Variants in CAMK4 observed in about 807,000 individuals in gnomAD.
The protein encoded by CAMK4 is calcium/calmodulin-dependent protein kinase type IV.
In CAMK4, 22 loss-of-function variants were observed where a neutral mutation model predicts 44.9. The ratio of observed to expected loss-of-function variants is 0.49; its 90% confidence interval spans 0.35 to 0.70. The LOEUF (loss-of-function observed/expected upper bound fraction) is 0.70. Ranked by LOEUF, CAMK4 falls within the 30% of genes least tolerant of loss-of-function variation. The pLI, the probability that CAMK4 is intolerant of heterozygous loss-of-function variation, is 0.01. For missense variants in CAMK4, 498 were observed against 586.8 expected (o/e 0.85, Z 1.56); for synonymous variants, 218 against 215.4 (o/e 1.01, Z -0.11).
intron 2 of CAMK4, among the ~76,000 whole-genome samples, chr5:111,371,665 A>C (rs1751010114): frequency 6.6e-6 from 1 of 152,224 alleles, no homozygotes; most frequent in Non-Finnish European, 1.5e-5. Flanking sequence ...CAGTTCAATA[A>C]AACACATTTT....
At chr5:111,475,474 T>C (rs1755203686) in intron 8 of CAMK4, among the ~76,000 whole-genome samples, 1 of 152,230 alleles carries the variant, frequency 6.6e-6, no homozygotes, top group South Asian at 2.1e-4. Context: ...GGGAAAAATA[T>C]AATTACTTGA....
chr5:111,420,427 T>G (rs1354850090), intron 5 of CAMK4, among the ~76,000 whole-genome samples: 1 of 152,154 alleles, frequency 6.6e-6, no homozygotes, highest in Non-Finnish European at 1.5e-5. Flanking sequence ...TGAATACCCT[T>G]TATTTACTTC....
intron 5 of CAMK4, among the ~76,000 whole-genome samples, chr5:111,404,004 G>C (rs1159756668): frequency 6.6e-6 from 1 of 152,196 alleles, no homozygotes; most frequent in Non-Finnish European, 1.5e-5. Context: ...GTTACAGGCT[G>C]TAAGGTGACC....
At chr5:111,283,884 C>T (rs763388842) in intron 1 of CAMK4, among the ~76,000 whole-genome samples, 1 of 152,162 alleles carries the variant, frequency 6.6e-6, no homozygotes, top group Non-Finnish European at 1.5e-5. Flanking sequence ...TGATCTATTT[C>T]CATCCTCATG....
rs1431451424 is a variant in CAMK4 at position 111,490,699 on chromosome 5, A to G, written c.*6233A>G. On this transcript the variant is annotated 3_prime_UTR_variant, in exon 11 of 11. Transcript: ENST00000282356. Reference sequence around the variant, plus strand: ...TATACCTACAATACAGTTAATATGCAGCAGCGTAGAGAACAAATAGCATAT... The same window carrying G: ...TATACCTACAATACAGTTAATATGCGGCAGCGTAGAGAACAAATAGCATAT... 4 of 152,214 alleles carry G rather than the reference A, an allele frequency of 2.6e-5. No individual in the cohort carries two copies. The highest frequency in any genetic ancestry group is 9.6e-5 in the African/African-American group (4 of 41,462). The allele number at this position is 152,214 out of a possible 1,614,324, so 9.4% of individuals were successfully genotyped here. A position where few individuals can be genotyped will look rare whatever the true frequency, so the allele number is the denominator to read the frequency against.
rs558864502 is a variant in CAMK4, at chr5:111,455,389, C to G, written c.625+6186C>G. On this transcript the variant is annotated intron_variant, in intron 7 of 10. Coordinates refer to ENST00000282356, the MANE Select transcript of CAMK4 (RefSeq NM_001744.6). ...TTGCTTGGTAACCAATTAATTCTGT[C>G]ATAATTATCAATAATTATAAATGGA... is the stretch of plus-strand genomic sequence containing the variant. Among the ~76,000 whole-genome samples the G allele has an allele frequency of 2.6e-5, 4 of 152,092 alleles. No homozygotes were observed. In the South Asian group the frequency reaches 8.3e-4, roughly 32 times the overall value.
In CAMK4 at chr5:111,441,190, A is replaced by G. The variant is rs138214666; in HGVS notation, c.460-5496A>G. Among the ~76,000 whole-genome samples the G allele has an allele frequency of 2.6e-4, 40 of 152,326 alleles. No individual in the cohort carries two copies. The East Asian group carries it at 7.7e-3, about 29-fold the overall frequency. ...TACGTATTTCTGTCAACCCATGATCAAGACTGAGGGCAAGATATTTAAACA... is the reference window on the plus strand; with the variant it reads ...TACGTATTTCTGTCAACCCATGATCGAGACTGAGGGCAAGATATTTAAACA... On this transcript the variant is annotated intron_variant, in intron 5 of 10. Coordinates refer to ENST00000282356, the MANE Select transcript of CAMK4 (RefSeq NM_001744.6).
chr5:111,460,997 A>G (rs987563286), intron 7 of CAMK4, among the ~76,000 whole-genome samples: 1 of 152,260 alleles, frequency 6.6e-6, no homozygotes, highest in African/African-American at 2.4e-5. Flanking sequence ...AGAAAATCAT[A>G]TAATTCTTGC....
At chr5:111,317,260 A>G (rs1284845733) in intron 1 of CAMK4, among the ~76,000 whole-genome samples, 2 of 152,144 alleles carry the variant, frequency 1.3e-5, no homozygotes, top group East Asian at 1.9e-4. Flanking sequence ...TCACAGTTAC[A>G]TTACATAGTG....
At chr5:111,295,165 C>T (rs550816853) in intron 1 of CAMK4, among the ~76,000 whole-genome samples, 23 of 152,198 alleles carry the variant, frequency 1.5e-4, no homozygotes, top group African/African-American at 5.1e-4. Context: ...AATTGGTTTC[C>T]CCTTTATCTC....
intron 4 of CAMK4, among the ~76,000 whole-genome samples, chr5:111,377,670 C>G (rs1052580365): frequency 6.6e-5 from 10 of 152,038 alleles, no homozygotes; most frequent in African/African-American, 2.4e-4. Context: ...CTCTTGAGAG[C>G]CTTTTGCTGT....
chr5:111,401,751 C>T (rs1351481690), intron 5 of CAMK4, among the ~76,000 whole-genome samples: 5 of 152,086 alleles, frequency 3.3e-5, no homozygotes, highest in South Asian at 2.1e-4. Flanking sequence ...GTGTGGAGGA[C>T]GTGTGATAAC....
At chr5:111,303,331 A>G (rs1201059740) in intron 1 of CAMK4, among the ~76,000 whole-genome samples, 1 of 122,332 alleles carries the variant, frequency 8.2e-6, no homozygotes, top group East Asian at 2.3e-4. Flanking sequence ...AAAGGCAAAG[A>G]AGTTGAAAAC....
chr5:111,250,647 C>G (rs1372708381), intron 1 of CAMK4, among the ~76,000 whole-genome samples: 1 of 152,088 alleles, frequency 6.6e-6, no homozygotes, highest in Non-Finnish European at 1.5e-5. Context: ...TATTCTTTGT[C>G]TTTTCTATTC....
chr5:111,463,933 G>T (rs1318140902), intron 7 of CAMK4, among the ~76,000 whole-genome samples: 2 of 151,892 alleles, frequency 1.3e-5, no homozygotes, highest in Admixed American at 6.6e-5. Flanking sequence ...ACAAAAAAAG[G>T]TTCTTTCACA....
At chr5:111,425,878 C>T (rs890271050) in intron 5 of CAMK4, among the ~76,000 whole-genome samples, 7 of 152,030 alleles carry the variant, frequency 4.6e-5, no homozygotes, top group South Asian at 2.1e-4. Flanking sequence ...AAATGTATCA[C>T]GAGTTCTAAA....
At chr5:111,420,150 G>C (rs1309028013) in intron 5 of CAMK4, among the ~76,000 whole-genome samples, 1 of 149,232 alleles carries the variant, frequency 6.7e-6, no homozygotes, top group Non-Finnish European at 1.5e-5. Flanking sequence ...CCTTGAAGAG[G>C]TCCTTCACAT....
At chr5:111,425,691 A>G (rs1360367553) in intron 5 of CAMK4, among the ~76,000 whole-genome samples, 1 of 152,212 alleles carries the variant, frequency 6.6e-6, no homozygotes, top group Non-Finnish European at 1.5e-5. Context: ...GCATTGAAGA[A>G]TTTATTAACT....
chr5:111,343,292 A>G (rs1220449219), intron 1 of CAMK4, among the ~76,000 whole-genome samples: 2 of 151,620 alleles, frequency 1.3e-5, no homozygotes, highest in African/African-American at 4.8e-5. Context: ...CTAATCTTCA[A>G]AGTCTGACAA....
Sources: gnomAD v4.1 joint callset for allele counts (sites outside exome capture counted in the v4.1 genomes callset) on GRCh38, gnomAD v4.1.1 for gene constraint, MANE v1.5 for transcripts, NCBI Gene and HGNC (gene_info 2026-07-23, HGNC 2026-07-21) for gene names.